ABCG1: variants seen among roughly 807,000 people sequenced by gnomAD.
ABCG1 encodes the protein ATP binding cassette subfamily G member 1.
Under a neutral mutation model 69.2 loss-of-function variants are expected in ABCG1, and 29 were observed. The ratio of observed to expected loss-of-function variants is 0.42; its 90% confidence interval spans 0.31 to 0.57. The LOEUF (loss-of-function observed/expected upper bound fraction) is 0.57. Among genes scored for constraint, ABCG1 ranks in the 20% least tolerant of loss-of-function variants. ABCG1 has a pLI of 0.15. For synonymous variants in ABCG1, 370 were observed against 374.8 expected (o/e 0.99, Z 0.15); for missense variants, 718 against 898.1 (o/e 0.80, Z 2.56).
At chr21:42,204,741 C>T (rs1056806629) in intron 2 of ABCG1, among the ~76,000 whole-genome samples, 1 of 152,136 alleles carries the variant, frequency 6.6e-6, no homozygotes, top group Non-Finnish European at 1.5e-5. Context: ...AGTGGCTATT[C>T]ACAGGCATGA....
chr21:42,287,765 C>T lies in ABCG1; in HGVS notation c.974-124C>T. The T allele has an allele frequency of 1.0e-6, 1 of 989,314 alleles. No homozygotes were observed. Among genetic ancestry groups the T allele is most frequent in the Non-Finnish European group, 1.5e-6 (1 of 681,492 alleles). 61.3% of individuals were successfully genotyped at this position (989,314 alleles called of 1,614,324 possible). A position where few individuals can be genotyped will look rare whatever the true frequency, so the allele number is the denominator to read the frequency against. On this transcript the variant is annotated intron_variant, in intron 8 of 14. Coordinates refer to ENST00000398449, the MANE Select transcript of ABCG1 (RefSeq NM_016818.3). This position sits in a 1 kb window ranked among gnomAD's most constrained non-coding sequence, Gnocchi z 6.2. ...AATGATTTTGACGTCATGCCATTAGCACCGCCACGCAGCATCTATGTAATC... is the reference window on the plus strand; with the variant it reads ...AATGATTTTGACGTCATGCCATTAGTACCGCCACGCAGCATCTATGTAATC...
chr21:42,286,147 A>C, intron 8 of ABCG1, 153 bp downstream of exon 8: 1 of 613,124 alleles, frequency 1.6e-6, no homozygotes, highest in South Asian at 1.9e-5. Context: ...AGAACAAAAA[A>C]ATTAGGTTTC....
At chr21:42,284,421 C>G (rs556103839) in intron 6 of ABCG1, 139 bp from the exon 7 acceptor site, 2 of 1,057,590 alleles carry the variant, frequency 1.9e-6, no homozygotes, top group African/African-American at 3.2e-5. Flanking sequence ...GAGCAGAGCC[C>G]GGCCTGGGAC....
intron 2 of ABCG1, among the ~76,000 whole-genome samples, chr21:42,205,301 C>T (rs969379705): frequency 9.9e-5 from 15 of 151,982 alleles, no homozygotes; most frequent in African/African-American, 3.4e-4. Context: ...AGAGGTTTGT[C>T]AATTTTATTG....
At chr21:42,211,757 C>T (rs1282990947), upstream of ABCG1, among the ~76,000 whole-genome samples, 1 of 151,794 alleles carries the variant, frequency 6.6e-6, no homozygotes, top group East Asian at 1.9e-4. Context: ...GGCACGGTGG[C>T]ATGCGCTGGT....
intron 13 of ABCG1, among the ~76,000 whole-genome samples, chr21:42,292,748 CTA>C: frequency 2.0e-5 from 3 of 147,960 alleles, no homozygotes; most frequent in Non-Finnish European, 4.5e-5. Context: ...ACACACCACA[CTA>C]CACACTACAC....
chr21:42,285,602 A>AT (rs947174452), intron 7 of ABCG1, among the ~76,000 whole-genome samples: 3 of 152,116 alleles, frequency 2.0e-5, no homozygotes, highest in African/African-American at 7.2e-5. Flanking sequence ...TAGCTCCAAA[A>AT]TTTTTTCTGA....
At chr21:42,283,572 G>A (rs2068853760) in intron 6 of ABCG1, among the ~76,000 whole-genome samples, 2 of 152,214 alleles carry the variant, frequency 1.3e-5, no homozygotes, top group South Asian at 4.1e-4. Context: ...CCCCATAGAT[G>A]GGAGGTGGGG....
chr21:42,262,260 G>C (rs35478444), intron 2 of ABCG1, among the ~76,000 whole-genome samples: 31,839 of 152,098 alleles, frequency 0.21, 4,133 homozygotes, highest in African/African-American at 0.37. Flanking sequence ...CCTCCGTAAG[G>C]GACAGGAGAC....
chr21:42,278,250 C>T (rs2068744652), intron 5 of ABCG1, among the ~76,000 whole-genome samples: 2 of 152,246 alleles, frequency 1.3e-5, no homozygotes, highest in East Asian at 3.9e-4. Flanking sequence ...CGAGAGCCCC[C>T]TCTGGATAGT....
At chr21:42,279,314 G>C (rs138100866) in intron 5 of ABCG1, among the ~76,000 whole-genome samples, 1 of 152,160 alleles carries the variant, frequency 6.6e-6, no homozygotes, top group African/African-American at 2.4e-5. Context: ...AAGGCCCAAG[G>C]ACAGAGCAAA....
At chr21:42,272,975 C>G (rs990748397) in intron 3 of ABCG1, among the ~76,000 whole-genome samples, 3 of 152,238 alleles carry the variant, frequency 2.0e-5, no homozygotes, top group Middle Eastern at 6.3e-3. Context: ...GACCTCGCGG[C>G]TGCTTATAGG....
intron 2 of ABCG1, among the ~76,000 whole-genome samples, chr21:42,249,273 G>A (rs908640502): frequency 2.6e-5 from 4 of 152,138 alleles, no homozygotes; most frequent in East Asian, 1.9e-4. Context: ...TGGCTGGCTC[G>A]TGGGCACATT....
chr21:42,226,045 G>A, intron 2 of ABCG1, 131 bp downstream of exon 2: 3 of 1,075,364 alleles, frequency 2.8e-6, no homozygotes, highest in Non-Finnish European at 4.0e-6. Flanking sequence ...CACTGCTGTG[G>A]TCAATTTATT....
chr21:42,234,977 T>C (rs913514476), intron 2 of ABCG1, among the ~76,000 whole-genome samples: 2 of 152,002 alleles, frequency 1.3e-5, no homozygotes, highest in African/African-American at 2.4e-5. Flanking sequence ...CCCCGCGCTG[T>C]TGCCAAGCGC....
intron 14 of ABCG1, chr21:42,295,312 C>T (rs2069182842): frequency 8.7e-6 from 1 of 114,450 alleles, no homozygotes; most frequent in East Asian, 3.0e-4. Context: ...GCCTAGGTGA[C>T]AGAGTGAGAC....
chr21:42,263,412 CG>C (rs2068446420), intron 2 of ABCG1, among the ~76,000 whole-genome samples: 1 of 152,136 alleles, frequency 6.6e-6, no homozygotes, highest in Non-Finnish European at 1.5e-5. Flanking sequence ...AGCCCTGAAG[CG>C]ACAGGAAGGG....
At chr21:42,232,670 C>T (rs1482043845) in intron 2 of ABCG1, among the ~76,000 whole-genome samples, 1 of 152,164 alleles carries the variant, frequency 6.6e-6, no homozygotes, top group East Asian at 1.9e-4. Flanking sequence ...GGTGGGTGCC[C>T]CCCTGCCTTC....
intron 2 of ABCG1, among the ~76,000 whole-genome samples, chr21:42,205,563 G>T (rs933849977): frequency 8.7e-5 from 13 of 149,886 alleles, no homozygotes; most frequent in African/African-American, 3.2e-4. Flanking sequence ...ATGACACTGC[G>T]CTCCAGCCTG....
Sources: gnomAD v4.1 joint callset for allele counts (sites outside exome capture counted in the v4.1 genomes callset) on GRCh38, gnomAD v4.1.1 for gene constraint, Gnocchi (gnomAD v3.1) non-coding constraint, MANE v1.5 for transcripts, NCBI Gene and HGNC (gene_info 2026-07-23, HGNC 2026-07-21) for gene names.